SPATA16: variants seen among roughly 807,000 people sequenced by gnomAD.
SPATA16 encodes spermatogenesis-associated protein 16.
In SPATA16, 36 loss-of-function variants were observed where a neutral mutation model predicts 63.3. The observed-to-expected ratio is 0.57, with a 90% CI of 0.44 to 0.75. The LOEUF (loss-of-function observed/expected upper bound fraction) is 0.75, where lower values mean the gene tolerates loss of function less well. Among genes scored for constraint, SPATA16 ranks in the 30% least tolerant of loss-of-function variants. The pLI, the probability that SPATA16 is intolerant of heterozygous loss-of-function variation, is 0.00. For missense variants in SPATA16, 646 were observed against 679.3 expected, an observed-to-expected ratio of 0.95 and a Z score of 0.54; for synonymous variants, 203 against 216.7, an observed-to-expected ratio of 0.94 and a Z score of 0.56.
chr3:173,067,331 T>C (rs2108304497), intron 2 of SPATA16, among the ~76,000 whole-genome samples: 1 of 152,254 alleles, frequency 6.6e-6, no homozygotes, highest in East Asian at 1.9e-4. Flanking sequence ...GCCAAGCGAA[T>C]TAATGTGGGA....
chr3:173,051,565 G>T (rs184029664), intron 2 of SPATA16, among the ~76,000 whole-genome samples: 321 of 152,170 alleles, frequency 2.1e-3, no homozygotes, highest in Non-Finnish European at 3.8e-3. Context: ...TCGAACTCCT[G>T]ACCTCAAGTA....
intron 2 of SPATA16, among the ~76,000 whole-genome samples, chr3:173,072,904 A>G (rs1736706901): frequency 6.6e-6 from 1 of 152,212 alleles, no homozygotes; most frequent in Non-Finnish European, 1.5e-5. Context: ...CTAGAGACTT[A>G]CTGAATGGCT....
In SPATA16 at chr3:173,117,410, TTAAC is replaced by T; in HGVS notation, c.318_321del (p.Leu107SerfsTer10). ...GGGATGTGAGGCAGAGGCATGGTGA[TTAAC>T]TGATTGTCAAGTTCTGTTATCTTTG... On this transcript the variant is annotated frameshift_variant, in exon 2 of 11. Transcript: ENST00000351008. LOFTEE classifies it high-confidence loss of function. 6.2e-7 allele frequency: 1 copy of T among 1,614,210 alleles called. No individual in the cohort carries two copies. Among genetic ancestry groups the T allele is most frequent in the Non-Finnish European group, 8.5e-7 (1 of 1,180,018 alleles).
chr3:173,022,381 A>T (rs1166761040), intron 3 of SPATA16, among the ~76,000 whole-genome samples: 1 of 152,120 alleles, frequency 6.6e-6, no homozygotes, highest in African/African-American at 2.4e-5. Context: ...TCTACTCTGA[A>T]AGTGTAATTA....
chr3:172,940,255 G>A (rs887969539), intron 6 of SPATA16, among the ~76,000 whole-genome samples: 8 of 152,204 alleles, frequency 5.3e-5, no homozygotes, highest in Admixed American at 2.6e-4. Flanking sequence ...GTAGCTGGTT[G>A]ATCAGAAGTA....
At chr3:172,901,294 G>T (rs1252861323) in intron 10 of SPATA16, among the ~76,000 whole-genome samples, 1 of 152,136 alleles carries the variant, frequency 6.6e-6, no homozygotes, top group Non-Finnish European at 1.5e-5. Context: ...CCACCTCCCG[G>T]GTTCAAGCGA....
intron 2 of SPATA16, among the ~76,000 whole-genome samples, chr3:173,088,947 G>GA (rs939277537): frequency 2.0e-5 from 3 of 152,152 alleles, no homozygotes; most frequent in African/African-American, 7.2e-5. Context: ...AGATTTTGGT[G>GA]AATTCAGGTT....
At position 173,132,554 on chromosome 3, in the gene SPATA16, T is replaced by G. The variant is rs564403600; in HGVS notation, c.-19+8549A>C. On this transcript the variant is annotated intron_variant, in intron 1 of 10. Coordinates refer to ENST00000351008, the MANE Select transcript of SPATA16 (RefSeq NM_031955.6). ...AAAACCTAGGCAGAATTAAAAAGAATGGCAACAATGATGCAAAAGTTGTGA... is the reference window on the plus strand; with the variant it reads ...AAAACCTAGGCAGAATTAAAAAGAAGGGCAACAATGATGCAAAAGTTGTGA... Among the ~76,000 whole-genome samples, 18 of 152,272 alleles carry G rather than the reference T, an allele frequency of 1.2e-4. No homozygotes were observed. The South Asian group carries it at 3.1e-3, about 26-fold the overall frequency.
intron 10 of SPATA16, among the ~76,000 whole-genome samples, chr3:172,895,143 G>T (rs537571242): frequency 6.6e-6 from 1 of 152,264 alleles, no homozygotes; most frequent in East Asian, 1.9e-4. Flanking sequence ...CCCAGTGTCC[G>T]TCAATGGTAA....
intron 2 of SPATA16, among the ~76,000 whole-genome samples, chr3:173,092,217 C>G (rs1737242798): frequency 6.6e-6 from 1 of 152,154 alleles, no homozygotes; most frequent in African/African-American, 2.4e-5. Context: ...TCCATGAACT[C>G]TGGCAAGCTA....
At chr3:173,021,866 CT>C (rs1735340055) in intron 3 of SPATA16, among the ~76,000 whole-genome samples, 1 of 151,918 alleles carries the variant, frequency 6.6e-6, no homozygotes, top group Admixed American at 6.6e-5. Flanking sequence ...GGACAAAATC[CT>C]TACTGAATGG....
intron 2 of SPATA16, among the ~76,000 whole-genome samples, chr3:173,086,053 A>T (rs932573493): frequency 1.4e-4 from 21 of 152,004 alleles, no homozygotes; most frequent in African/African-American, 5.1e-4. Flanking sequence ...GCCTCATAAA[A>T]TGAGTTAGGA....
At chr3:173,047,585 T>C (rs1735986057) in intron 3 of SPATA16, among the ~76,000 whole-genome samples, 1 of 152,064 alleles carries the variant, frequency 6.6e-6, no homozygotes, top group Admixed American at 6.6e-5. Context: ...TGATCAAATA[T>C]TTTTTAGTCT....
chr3:173,113,945 C>T (rs555751935), intron 2 of SPATA16, among the ~76,000 whole-genome samples: 1 of 152,128 alleles, frequency 6.6e-6, no homozygotes, highest in African/African-American at 2.4e-5. Flanking sequence ...TTTGGGAGGC[C>T]GAGGTGGGTG....
chr3:172,904,739 G>A (rs1440359997), intron 10 of SPATA16, among the ~76,000 whole-genome samples: 1 of 152,174 alleles, frequency 6.6e-6, no homozygotes, highest in Non-Finnish European at 1.5e-5. Context: ...TCTAGATTTG[G>A]AGCATTGGAC....
intron 2 of SPATA16, among the ~76,000 whole-genome samples, chr3:173,094,721 C>A (rs1248341793): frequency 6.1e-5 from 7 of 114,438 alleles, no homozygotes; most frequent in African/African-American, 2.2e-4. Flanking sequence ...ATCCTGGTTT[C>A]CATGAAGTGA....
At chr3:172,910,035 T>C (rs527376458) in intron 10 of SPATA16, among the ~76,000 whole-genome samples, 5 of 152,164 alleles carry the variant, frequency 3.3e-5, no homozygotes, top group Admixed American at 1.3e-4. Context: ...AAATATTTAC[T>C]GTACAAATGC....
chr3:173,066,919 G>T (rs996012080), intron 2 of SPATA16, among the ~76,000 whole-genome samples: 5 of 151,980 alleles, frequency 3.3e-5, no homozygotes, highest in Admixed American at 6.6e-5. Context: ...TGAACTTTAA[G>T]ATAACACAGG....
chr3:172,945,851 T>C (rs560019730), intron 6 of SPATA16, among the ~76,000 whole-genome samples: 6 of 152,288 alleles, frequency 3.9e-5, no homozygotes, highest in African/African-American at 1.2e-4. Flanking sequence ...TCTGGCGCTA[T>C]GCTGGATTTG....
Sources: gnomAD v4.1 joint callset for allele counts (sites outside exome capture counted in the v4.1 genomes callset) on GRCh38, gnomAD v4.1.1 for gene constraint, MANE v1.5 for transcripts, NCBI Gene and HGNC (gene_info 2026-07-23, HGNC 2026-07-21) for gene names.